Variants in R3HCC1L observed in about 807,000 individuals in gnomAD.
The protein encoded by R3HCC1L is R3H domain and coiled-coil containing 1 like, also known as coiled-coil domain-containing protein R3HCC1L.
R3HCC1L carries 51 observed loss-of-function variants against 59.9 expected under a neutral mutation model. The observed-to-expected ratio is 0.85, with a 90% CI of 0.68 to 1.07. The LOEUF is 1.07. Ranked by LOEUF, R3HCC1L falls within the 50% of genes least tolerant of loss-of-function variation. The pLI is 0.00. For missense variants in R3HCC1L, 965 were observed against 933.0 expected, an observed-to-expected ratio of 1.03 and a Z score of -0.45; for synonymous variants, 322 against 315.2, an observed-to-expected ratio of 1.02 and a Z score of -0.23.
intron 4 of R3HCC1L, among the ~76,000 whole-genome samples, chr10:98,189,371 A>G (rs535732378): frequency 1.3e-5 from 2 of 152,282 alleles, no homozygotes; most frequent in South Asian, 4.1e-4. Flanking sequence ...TGGCAGTTTG[A>G]ACAGAACTGT....
intron 7 of R3HCC1L, 100 bp downstream of exon 7, chr10:98,234,616 A>G (rs971842964): frequency 7.8e-7 from 1 of 1,277,748 alleles, no homozygotes; most frequent in Non-Finnish European, 1.1e-6. Context: ...CATCTTATTC[A>G]GCCAGTGTAG....
In R3HCC1L at chr10:98,209,377, T is replaced by C; in HGVS notation, c.1263T>C (p.Asp421=). ...CAAAGTTTGTAGGAATGAGTGCAGA[T>C]GCAACCCCTCTTCATGTAGCTAGAA... The part of the protein sequence containing the change: ...SFSKFVGMSA[D]ATPLHVARSG... Residue 421 remains aspartate, a synonymous_variant, in exon 5 of 10, where the codon GAT becomes GAC. Transcript: ENST00000298999. 3 of 1,614,016 alleles carry C rather than the reference T, an allele frequency of 1.9e-6. No homozygotes were observed. The highest frequency in any genetic ancestry group is 2.5e-6 in the Non-Finnish European group (3 of 1,180,004).
At position 98,203,883 on chromosome 10, in the gene R3HCC1L, A is replaced by C. The variant is rs78114367; in HGVS notation, c.-14-4218A>C. Among the ~76,000 whole-genome samples, 457 of 152,310 alleles carry C rather than the reference A, an allele frequency of 3.0e-3. 4 individuals carry two copies. Among genetic ancestry groups the C allele is most frequent in the African/African-American group, 9.3e-3 (388 of 41,574 alleles). ...AACAGAAAAAAATGATTTGGCCTAA[A>C]ATATTTTAAAGGCATGTGTTAGCAA... On this transcript the variant is annotated intron_variant, in intron 4 of 9. Transcript: ENST00000298999.
intron 5 of R3HCC1L, among the ~76,000 whole-genome samples, chr10:98,211,964 G>T (rs142357770): frequency 6.8e-4 from 104 of 152,244 alleles, no homozygotes; most frequent in African/African-American, 2.2e-3. Flanking sequence ...AGCTGGGATT[G>T]GGAGGAAAAC....
At chr10:98,174,030 AAG>A (rs1848766219) in intron 4 of R3HCC1L, among the ~76,000 whole-genome samples, 1 of 152,202 alleles carries the variant, frequency 6.6e-6, no homozygotes. Flanking sequence ...GAGCTTTAAA[AAG>A]AGGAGATAGA....
At chr10:98,151,747 TAA>T (rs1051742215) in intron 1 of R3HCC1L, among the ~76,000 whole-genome samples, 2 of 152,028 alleles carry the variant, frequency 1.3e-5, no homozygotes, top group African/African-American at 4.8e-5. Flanking sequence ...AAGGAGCCAG[TAA>T]AAGAGTAGAG....
rs1187924780 is a variant in R3HCC1L, at chr10:98,197,210, C to T, written c.-14-10891C>T. On this transcript the variant is annotated intron_variant, in intron 4 of 9. Transcript: ENST00000298999. ...GATTACAGATGCAAGCCACCATGCCCCCCCCTCCACCCCTTCCTATTCTGC... is the reference window on the plus strand; with the variant it reads ...GATTACAGATGCAAGCCACCATGCCTCCCCCTCCACCCCTTCCTATTCTGC... Among the ~76,000 whole-genome samples, 4 of 152,056 alleles carry T rather than the reference C, an allele frequency of 2.6e-5. No individual in the cohort carries two copies. In the East Asian group the frequency reaches 5.8e-4, roughly 22 times the overall value.
chr10:98,210,658 A>G (rs1853463299), intron 5 of R3HCC1L, among the ~76,000 whole-genome samples: 3 of 152,126 alleles, frequency 2.0e-5, no homozygotes, highest in Admixed American at 1.3e-4. Context: ...GGAAAAAATT[A>G]TTTTCCTATA....
Position 98,208,688 on chromosome 10 carries a change from G to A in R3HCC1L, c.574G>A (p.Glu192Lys), listed in dbSNP as rs1368734665. Residue 192 changes from glutamate (E) to lysine (K), a missense_variant, in exon 5 of 10, where the codon GAA (glutamate) becomes AAA (lysine). Glu to Lys is a moderately conservative substitution (Grantham distance 56). Transcript: ENST00000298999. ...NVEFCDFSRH[E>K]PDGEAFEDKD... is the part of the protein sequence containing the mutation. ...GGAATTCTGTGACTTCAGTAGGCAT[G>A]AACCTGATGGGGAAGCATTTGAAGA... The A allele has an allele frequency of 6.2e-7, 1 of 1,614,132 alleles. No individual in the cohort carries two copies. Among genetic ancestry groups the A allele is most frequent in the Non-Finnish European group, 8.5e-7 (1 of 1,180,010 alleles).
intron 1 of R3HCC1L, among the ~76,000 whole-genome samples, chr10:98,154,182 C>CAAAAAAAAAAAA (rs61379048): frequency 4.3e-5 from 4 of 92,826 alleles, no homozygotes; most frequent in Non-Finnish European, 4.2e-5. Flanking sequence ...AGAGAATAAG[C>CAAAAAAAAAAAA]AAAAAAAAAA....
At chr10:98,221,742 C>G (rs1169934104) in intron 5 of R3HCC1L, among the ~76,000 whole-genome samples, 1 of 152,138 alleles carries the variant, frequency 6.6e-6, no homozygotes, top group Non-Finnish European at 1.5e-5. Context: ...ATCTATATGT[C>G]TGTTTTGGTA....
chr10:98,174,681 A>C, intron 4 of R3HCC1L: 1 of 984,850 alleles, frequency 1.0e-6, no homozygotes, highest in Non-Finnish European at 1.2e-6. Context: ...CATCCTGCCC[A>C]GAATGGAGAC....
intron 2 of R3HCC1L, among the ~76,000 whole-genome samples, chr10:98,160,774 C>T (rs2134168859): frequency 6.6e-6 from 1 of 152,264 alleles, no homozygotes; most frequent in East Asian, 1.9e-4. Flanking sequence ...TCACCCATTC[C>T]TTCTGTCCTT....
chr10:98,153,474 C>T (rs1014767443), intron 1 of R3HCC1L, among the ~76,000 whole-genome samples: 7 of 152,098 alleles, frequency 4.6e-5, no homozygotes, highest in African/African-American at 1.7e-4. Flanking sequence ...ACAAACACTG[C>T]GGAAGGCCGC....
chr10:98,173,633 C>T (rs1848726245), intron 4 of R3HCC1L, among the ~76,000 whole-genome samples: 1 of 152,106 alleles, frequency 6.6e-6, no homozygotes. Context: ...CAGTGATTTA[C>T]CTGACAGCGG....
chr10:98,202,858 GAA>G (rs758550792), intron 4 of R3HCC1L, among the ~76,000 whole-genome samples: 5 of 138,204 alleles, frequency 3.6e-5, no homozygotes, highest in African/African-American at 2.6e-5. Context: ...TCCGTCACAG[GAA>G]AAAAAAAAAA....
At chr10:98,212,977 G>A (rs117935102) in intron 5 of R3HCC1L, among the ~76,000 whole-genome samples, 4,812 of 152,198 alleles carry the variant, frequency 0.032, 115 homozygotes, top group Non-Finnish European at 0.041. Context: ...TAAGAGAAGA[G>A]TAAAAGGAAT....
chr10:98,174,155 G>C (rs2134409067), intron 4 of R3HCC1L, among the ~76,000 whole-genome samples: 1 of 152,280 alleles, frequency 6.6e-6, no homozygotes, highest in East Asian at 1.9e-4. Context: ...AATTGGACTA[G>C]AACTTCAGGA....
chr10:98,227,226 G>A (rs1032680561), intron 5 of R3HCC1L, among the ~76,000 whole-genome samples: 4 of 152,160 alleles, frequency 2.6e-5, no homozygotes, highest in Non-Finnish European at 5.9e-5. Flanking sequence ...TATCTATGAA[G>A]TATAGGTACT....
Sources: gnomAD v4.1 joint callset for allele counts (sites outside exome capture counted in the v4.1 genomes callset) on GRCh38, gnomAD v4.1.1 for gene constraint, MANE v1.5 for transcripts, NCBI Gene and HGNC (gene_info 2026-07-23, HGNC 2026-07-21) for gene names.